NELL1: variants seen among roughly 807,000 people sequenced by gnomAD.
NELL1 encodes the protein neural EGFL like 1.
In NELL1, 76 loss-of-function variants were observed where a neutral mutation model predicts 107.4. The ratio of observed to expected loss-of-function variants is 0.71; its 90% confidence interval spans 0.59 to 0.86. The LOEUF is 0.86. Among genes scored for constraint, NELL1 ranks in the 40% least tolerant of loss-of-function variants. NELL1 has a pLI of 0.00. For missense variants in NELL1, 1,024 were observed against 1,005.5 expected (o/e 1.02, Z -0.25); for synonymous variants, 353 against 341.2 (o/e 1.03, Z -0.38).
At chr11:21,194,039 T>C (rs1370107380) in intron 13 of NELL1, among the ~76,000 whole-genome samples, 1 of 151,856 alleles carries the variant, frequency 6.6e-6, no homozygotes, top group Non-Finnish European at 1.5e-5. Context: ...GTCCTTCACA[T>C]TGGAAGATTT....
At chr11:21,308,207 G>A (rs539976351) in intron 14 of NELL1, among the ~76,000 whole-genome samples, 17 of 152,108 alleles carry the variant, frequency 1.1e-4, no homozygotes, top group East Asian at 1.9e-4. Flanking sequence ...TAATGTATGC[G>A]AAGGAGGCTA....
chr11:20,994,417 C>A (rs1272256438), intron 12 of NELL1, among the ~76,000 whole-genome samples: 5 of 152,236 alleles, frequency 3.3e-5, no homozygotes, highest in South Asian at 2.1e-4. Flanking sequence ...CAATAGCATG[C>A]CAATTTTTAT....
intron 10 of NELL1, among the ~76,000 whole-genome samples, chr11:20,946,564 C>T (rs1464695309): frequency 6.6e-6 from 1 of 152,118 alleles, no homozygotes; most frequent in Non-Finnish European, 1.5e-5. Flanking sequence ...GCTCAGCTAA[C>T]TGATCCTCTT....
At chr11:20,817,877 AG>A (rs1857658507) in intron 3 of NELL1, among the ~76,000 whole-genome samples, 1 of 151,832 alleles carries the variant, frequency 6.6e-6, no homozygotes, top group Non-Finnish European at 1.5e-5. Flanking sequence ...TTTATTCAAA[AG>A]TCATTCAGGA....
At position 21,392,419 on chromosome 11, in the gene NELL1, A is replaced by G. The variant is rs188266783; in HGVS notation, c.1645+21471A>G. 9.1e-4 allele frequency among the ~76,000 whole-genome samples: 138 copies of G among 151,924 alleles called. No homozygotes were observed. In the East Asian group the frequency reaches 0.018, roughly 20 times the overall value. On this transcript the variant is annotated intron_variant, in intron 15 of 19. Coordinates refer to ENST00000357134, the MANE Select transcript of NELL1 (RefSeq NM_006157.5). ...TTTTCTCCTGTCTTCTAAGTGAGTT[A>G]TCATTCATCCACCTCTTTTCTAGAT...
intron 12 of NELL1, among the ~76,000 whole-genome samples, chr11:20,972,814 A>G (rs970713213): frequency 2.0e-5 from 3 of 152,210 alleles, no homozygotes; most frequent in Non-Finnish European, 4.4e-5. Context: ...AGTGGGGGAC[A>G]GAAGGTAGCA....
chr11:21,388,442 A>G (rs1235461020), intron 15 of NELL1, among the ~76,000 whole-genome samples: 1 of 151,880 alleles, frequency 6.6e-6, no homozygotes, highest in Admixed American at 6.6e-5. Flanking sequence ...GAGCTTCTGT[A>G]TTTGAGAACA....
intron 13 of NELL1, among the ~76,000 whole-genome samples, chr11:21,200,706 C>T (rs966924588): frequency 1.3e-5 from 2 of 152,158 alleles, no homozygotes; most frequent in African/African-American, 4.8e-5. Flanking sequence ...GAAGTCTTTG[C>T]CCATGCCTGT....
intron 13 of NELL1, among the ~76,000 whole-genome samples, chr11:21,117,952 G>A (rs7126656): frequency 0.6 from 90,800 of 151,798 alleles, 28,359 homozygotes; most frequent in Non-Finnish European, 0.7. Context: ...AATGGTAGAG[G>A]ACCAGAAACA....
At chr11:21,272,284 C>A (rs1590791468) in intron 14 of NELL1, among the ~76,000 whole-genome samples, 1 of 152,216 alleles carries the variant, frequency 6.6e-6, no homozygotes, top group East Asian at 1.9e-4. Flanking sequence ...GGGCCCTACG[C>A]CCATGGAGTC....
chr11:20,715,276 G>A (rs912355789), intron 2 of NELL1, among the ~76,000 whole-genome samples: 1 of 142,696 alleles, frequency 7.0e-6, no homozygotes, highest in Non-Finnish European at 1.5e-5. Flanking sequence ...AGTGAGGATG[G>A]ATGACTGCCA....
At chr11:21,415,096 C>T (rs889277748) in intron 15 of NELL1, among the ~76,000 whole-genome samples, 3 of 152,114 alleles carry the variant, frequency 2.0e-5, no homozygotes, top group African/African-American at 7.2e-5. Context: ...GGCTGTTAAA[C>T]TACCTGAAAC....
intron 14 of NELL1, among the ~76,000 whole-genome samples, chr11:21,251,654 G>T (rs1858641670): frequency 6.6e-6 from 1 of 151,958 alleles, no homozygotes; most frequent in African/African-American, 2.4e-5. Context: ...GGAAGCTGAA[G>T]TTACCACCAG....
intron 14 of NELL1, among the ~76,000 whole-genome samples, chr11:21,349,830 A>G (rs117538230): frequency 5.9e-4 from 90 of 152,288 alleles, no homozygotes; most frequent in African/African-American, 1.1e-3. Flanking sequence ...TGTGTCCTCA[A>G]TATGGCTGTA....
chr11:20,846,698 A>G (rs976976751), intron 3 of NELL1, among the ~76,000 whole-genome samples: 1 of 152,164 alleles, frequency 6.6e-6, no homozygotes, highest in African/African-American at 2.4e-5. Flanking sequence ...AAAAGATAAT[A>G]CCAGTCTCAG....
At chr11:20,937,974 G>A in intron 10 of NELL1, 115 bp downstream of exon 10, 1 of 936,772 alleles carries the variant, frequency 1.1e-6, no homozygotes, top group Non-Finnish European at 1.7e-6. Flanking sequence ...CCCGAGGGGT[G>A]GAACTCTCTG....
intron 15 of NELL1, among the ~76,000 whole-genome samples, chr11:21,503,248 C>T (rs938603633): frequency 2.6e-5 from 4 of 152,052 alleles, no homozygotes; most frequent in South Asian, 4.1e-4. Flanking sequence ...ATAAGTAAAT[C>T]GGATATTGAA....
At chr11:20,758,659 G>A (rs1157744949) in intron 2 of NELL1, among the ~76,000 whole-genome samples, 2 of 152,186 alleles carry the variant, frequency 1.3e-5, no homozygotes, top group Non-Finnish European at 2.9e-5. Flanking sequence ...AGATTTCTTA[G>A]TGTTGGTACT....
At chr11:21,370,780 G>T in intron 14 of NELL1, 73 bp from the exon 15 acceptor site, 1 of 1,155,970 alleles carries the variant, frequency 8.7e-7, no homozygotes, top group Admixed American at 2.0e-5. Flanking sequence ...AATTGCTTCA[G>T]TGCTCCTGCT....
Sources: gnomAD v4.1 joint callset for allele counts (sites outside exome capture counted in the v4.1 genomes callset) on GRCh38, gnomAD v4.1.1 for gene constraint, MANE v1.5 for transcripts, NCBI Gene and HGNC (gene_info 2026-07-23, HGNC 2026-07-21) for gene names.